CSRNP3: variants seen among roughly 807,000 people sequenced by gnomAD.
CSRNP3 encodes the protein cysteine and serine rich nuclear protein 3, also known as cysteine/serine-rich nuclear protein 3.
Under a neutral mutation model 48.0 loss-of-function variants are expected in CSRNP3, and 12 were observed. The ratio of observed to expected loss-of-function variants is 0.25; its 90% confidence interval spans 0.16 to 0.41. CSRNP3 has a LOEUF of 0.41. Ranked by LOEUF, CSRNP3 falls within the 10% of genes least tolerant of loss-of-function variation. CSRNP3 has a pLI of 1.00. For missense variants in CSRNP3, 580 were observed against 724.4 expected, an observed-to-expected ratio of 0.80 and a Z score of 2.29; for synonymous variants, 263 against 269.7, an observed-to-expected ratio of 0.98 and a Z score of 0.24.
Position 165,679,789 on chromosome 2 carries a change from T to C in CSRNP3, c.*36T>C, listed in dbSNP as rs940200432. On this transcript the variant is annotated 3_prime_UTR_variant, in exon 7 of 7. Transcript: ENST00000651982. ...TATTCTAGGACCAACTCTTCTCTTA[T>C]TTAAGGCACTGTATTTAATTGGATT... is the stretch of plus-strand genomic sequence containing the variant. 6.3e-7 allele frequency: 1 copy of C among 1,576,632 alleles called. No homozygotes were observed. Among genetic ancestry groups the C allele is most frequent in the Non-Finnish European group, 8.6e-7 (1 of 1,160,744 alleles).
At chr2:165,581,664 G>A (rs1685550013) in intron 3 of CSRNP3, among the ~76,000 whole-genome samples, 1 of 151,888 alleles carries the variant, frequency 6.6e-6, no homozygotes, top group African/African-American at 2.4e-5. Flanking sequence ...AGCCTCCCGA[G>A]TAGCTGGGAT....
intron 4 of CSRNP3, among the ~76,000 whole-genome samples, chr2:165,604,433 A>G (rs538831536): frequency 2.4e-4 from 37 of 152,334 alleles, no homozygotes; most frequent in African/African-American, 8.4e-4. Context: ...AGACTTCACA[A>G]TGGTACAAAC....
intron 4 of CSRNP3, among the ~76,000 whole-genome samples, chr2:165,601,938 T>C (rs999824735): frequency 2.6e-5 from 4 of 152,206 alleles, no homozygotes. Flanking sequence ...ACAAACATGG[T>C]ATCTTATGTT....
intron 2 of CSRNP3, among the ~76,000 whole-genome samples, chr2:165,511,376 A>G (rs1454761959): frequency 1.3e-5 from 2 of 152,200 alleles, no homozygotes; most frequent in Non-Finnish European, 1.5e-5. Flanking sequence ...ATATTTGCAT[A>G]CAAATGGGCA....
rs545395903 is a variant in CSRNP3, at chr2:165,586,806, A to G, written c.-23-8237A>G. ...AGACTGTCAAAAAAGAGTAAAATAA[A>G]CAAGATTTCAAGATATACCCAAAGG... On this transcript the variant is annotated intron_variant, in intron 3 of 6. Transcript: ENST00000651982. Among the ~76,000 whole-genome samples the G allele has an allele frequency of 5.9e-5, 9 of 152,330 alleles. No individual in the cohort carries two copies. The South Asian group carries it at 1.7e-3, about 28-fold the overall frequency.
At position 165,678,912 on chromosome 2, in the gene CSRNP3, C is replaced by T. The variant is rs763780856; in HGVS notation, c.917C>T (p.Ala306Val). 30 of 1,614,042 alleles carry T rather than the reference C, an allele frequency of 1.9e-5. No homozygotes were observed. The highest frequency in any genetic ancestry group is 2.5e-5 in the Non-Finnish European group (29 of 1,179,994). ...SAHSSSMGPVAHSVEYSIADS... is the reference protein window; with the variant it reads ...SAHSSSMGPVVHSVEYSIADS... The stretch of plus-strand genomic sequence containing the variant: ...CACAGTAGTTCTATGGGCCCTGTCG[C>T]TCACTCCGTAGAATATTCAATCGCA... Residue 306 changes from alanine to valine, a missense_variant, in exon 7 of 7, where the codon GCT becomes GTT. Around this residue, in one of 4 missense-constraint regions of CSRNP3, gnomAD observed 369 missense variants for 380.8 expected, o/e 0.97. Coordinates refer to ENST00000651982, the MANE Select transcript of CSRNP3 (RefSeq NM_001172173.2).
At chr2:165,511,907 A>T (rs1191394517) in intron 2 of CSRNP3, among the ~76,000 whole-genome samples, 1 of 152,106 alleles carries the variant, frequency 6.6e-6, no homozygotes, top group Non-Finnish European at 1.5e-5. Context: ...AGGAGAACTG[A>T]ATTTAATCAG....
At chr2:165,553,412 A>G (rs1289016733) in intron 3 of CSRNP3, among the ~76,000 whole-genome samples, 5 of 152,212 alleles carry the variant, frequency 3.3e-5, no homozygotes, top group African/African-American at 9.6e-5. Flanking sequence ...CCCATATTCT[A>G]TACCTATTTT....
intron 5 of CSRNP3, among the ~76,000 whole-genome samples, chr2:165,666,493 G>GGAA (rs1687207807): frequency 2.3e-5 from 1 of 43,348 alleles, no homozygotes; most frequent in African/African-American, 5.8e-5. Flanking sequence ...GAGGAAGGAA[G>GGAA]GGAGGAAAGA....
chr2:165,577,146 GA>G (rs935574756), intron 3 of CSRNP3, among the ~76,000 whole-genome samples: 45 of 131,822 alleles, frequency 3.4e-4, no homozygotes, highest in East Asian at 2.0e-3. Context: ...CTATGAAATA[GA>G]AAAAAAAAAA....
chr2:165,521,908 A>G (rs926881489), intron 3 of CSRNP3, among the ~76,000 whole-genome samples: 7 of 152,128 alleles, frequency 4.6e-5, no homozygotes, highest in Non-Finnish European at 7.3e-5. Context: ...GCCAGCCCTA[A>G]CTTCTATAAT....
rs1324194976 is a variant in CSRNP3, at chr2:165,680,545, T to C, written c.*792T>C. Reference sequence around the variant, plus strand: ...ACTCCAGAGATGGAGGTAGAAGGAATTGCCTTTCTTTTTTAAACAGCATCA... The same window carrying C: ...ACTCCAGAGATGGAGGTAGAAGGAACTGCCTTTCTTTTTTAAACAGCATCA... On this transcript the variant is annotated 3_prime_UTR_variant, in exon 7 of 7. Transcript: ENST00000651982. 1.3e-5 allele frequency: 2 copies of C among 152,624 alleles called. No individual in the cohort carries two copies. The highest frequency in any genetic ancestry group is 2.9e-5 in the Non-Finnish European group (2 of 68,038). The allele number at this position is 152,624 out of a possible 1,614,324, so 9.5% of individuals were successfully genotyped here.
chr2:165,596,489 T>C (rs1212788109), intron 4 of CSRNP3, among the ~76,000 whole-genome samples: 1 of 152,202 alleles, frequency 6.6e-6, no homozygotes, highest in Admixed American at 6.5e-5. Context: ...TCAATAGCTG[T>C]TGAACATGAA....
chr2:165,519,503 A>T (rs778753930), intron 3 of CSRNP3, among the ~76,000 whole-genome samples: 3 of 152,190 alleles, frequency 2.0e-5, no homozygotes, highest in Non-Finnish European at 4.4e-5. Flanking sequence ...AACCTTTTTA[A>T]AAGGGTAGTG....
chr2:165,657,772 C>A lies in CSRNP3; in HGVS notation c.160C>A (p.Leu54Ile). The A allele has an allele frequency of 6.2e-7, 1 of 1,613,326 alleles. No individual in the cohort carries two copies. The highest frequency in any genetic ancestry group is 8.5e-7 in the Non-Finnish European group (1 of 1,179,334). Reference sequence around the variant, plus strand: ...TCTTTCTCTTTCAGCTTCCTCCATTCTCAAAAGGGAGAAACGACTGAGGAC... The same window carrying A: ...TCTTTCTCTTTCAGCTTCCTCCATTATCAAAAGGGAGAAACGACTGAGGAC... ...TSSHFTPSSI[L>I]KREKRLRTKN... Residue 54 changes from leucine (L) to isoleucine (I), a missense_variant, in exon 5 of 7, where the codon CTC (leucine) becomes ATC (isoleucine). This residue lies in a region of CSRNP3 where 83 missense variants were observed against 139.6 expected (regional missense o/e 0.59). Transcript: ENST00000651982.
chr2:165,473,694 C>G (rs930876046), intron 1 of CSRNP3, among the ~76,000 whole-genome samples: 6 of 152,094 alleles, frequency 3.9e-5, no homozygotes, highest in Non-Finnish European at 8.8e-5. Flanking sequence ...ATGGATTTAT[C>G]AAGCTAATTG....
In CSRNP3 at chr2:165,683,482, G is replaced by A. The variant is rs1687579552; in HGVS notation, c.*3729G>A. On this transcript the variant is annotated 3_prime_UTR_variant, in exon 7 of 7. Coordinates refer to ENST00000651982, the MANE Select transcript of CSRNP3 (RefSeq NM_001172173.2). ...TTACATTCTAATAGATGACTTCTAGGCAAAATTTTGGTATGATTACCATTA... is the reference window on the plus strand; with the variant it reads ...TTACATTCTAATAGATGACTTCTAGACAAAATTTTGGTATGATTACCATTA... 1 of 151,966 alleles carries A rather than the reference G, an allele frequency of 6.6e-6. No homozygotes were observed. Among genetic ancestry groups the A allele is most frequent in the African/African-American group, 2.4e-5 (1 of 41,378 alleles). The allele number at this position is 151,966 out of a possible 1,614,324, so 9.4% of individuals were successfully genotyped here. A position where few individuals can be genotyped will look rare whatever the true frequency, so the allele number is the denominator to read the frequency against.
At chr2:165,663,799 TGG>T (rs2105350822) in intron 5 of CSRNP3, among the ~76,000 whole-genome samples, 1 of 152,328 alleles carries the variant, frequency 6.6e-6, no homozygotes, top group East Asian at 1.9e-4. Context: ...TCAGCTATGA[TGG>T]GTGTATTTAA....
chr2:165,652,647 A>G (rs1022250053), intron 4 of CSRNP3, among the ~76,000 whole-genome samples: 1 of 152,010 alleles, frequency 6.6e-6, no homozygotes, highest in Admixed American at 6.6e-5. Flanking sequence ...GGCTCAAGTG[A>G]TGATTGTGCC....
Sources: allele counts gnomAD v4.1 joint callset (sites outside exome capture counted in the v4.1 genomes callset), GRCh38; gene constraint gnomAD v4.1.1; regional missense constraint gnomAD v4.1.1; transcripts MANE v1.5; gene names NCBI Gene and HGNC (gene_info 2026-07-23, HGNC 2026-07-21).